Variants in DYNC2H1 observed in about 807,000 individuals in gnomAD.
DYNC2H1 encodes the protein dynein cytoplasmic 2 heavy chain 1, also known as cytoplasmic dynein 2 heavy chain 1.
Under a neutral mutation model 570.0 loss-of-function variants are expected in DYNC2H1, and 410 were observed. The ratio of observed to expected loss-of-function variants is 0.72; its 90% CI spans 0.66 to 0.78. DYNC2H1 has a LOEUF of 0.78. Among genes scored for constraint, DYNC2H1 ranks in the 30% least tolerant of loss-of-function variants. The pLI, the probability that DYNC2H1 is intolerant of heterozygous loss-of-function variation, is 0.00. For synonymous variants in DYNC2H1, 1,688 were observed against 1,677.6 expected (o/e 1.01, Z -0.15); for missense variants, 4,865 against 5,046.4 (o/e 0.96, Z 1.09).
At chr11:103,413,744 T>TATATGTACTTA (rs1250232274) in intron 84 of DYNC2H1, among the ~76,000 whole-genome samples, 2 of 152,216 alleles carry the variant, frequency 1.3e-5, no homozygotes, top group Non-Finnish European at 2.9e-5. Flanking sequence ...AACATTTTAT[T>TATATGTACTTA]ATATGTACTT....
At chr11:103,442,900 G>A (rs1944312987) in intron 85 of DYNC2H1, among the ~76,000 whole-genome samples, 1 of 151,092 alleles carries the variant, frequency 6.6e-6, no homozygotes, top group Non-Finnish European at 1.5e-5. Flanking sequence ...GTGATTGTTA[G>A]TAATATCTCC....
At chr11:103,384,048 C>T (rs1307744868) in intron 83 of DYNC2H1, among the ~76,000 whole-genome samples, 5 of 151,990 alleles carry the variant, frequency 3.3e-5, no homozygotes, top group African/African-American at 7.2e-5. Flanking sequence ...TTGGGATTTG[C>T]TTTATGGCCC....
intron 83 of DYNC2H1, among the ~76,000 whole-genome samples, chr11:103,367,825 A>G (rs952596015): frequency 4.6e-5 from 7 of 151,922 alleles, no homozygotes; most frequent in East Asian, 1.9e-4. Flanking sequence ...TATGTTACCA[A>G]CGTTTTTCCT....
At chr11:103,281,449 A>G (rs1314237120) in intron 71 of DYNC2H1, among the ~76,000 whole-genome samples, 1 of 152,040 alleles carries the variant, frequency 6.6e-6, no homozygotes, top group Non-Finnish European at 1.5e-5. Flanking sequence ...ATGTAGTAGT[A>G]ATCATTCATA....
At position 103,116,770 on chromosome 11, in the gene DYNC2H1, CT is replaced by C. The variant is rs557908417; in HGVS notation, c.766+61del. The C allele has an allele frequency of 2.2e-4, 324 of 1,496,206 alleles. 3 individuals are homozygous for C. In the African/African-American group the frequency reaches 4.1e-3, roughly 19 times the overall value. The allele number at this position is 1,496,206 out of a possible 1,614,324, so 92.7% of individuals were successfully genotyped here. On this transcript the variant is annotated intron_variant, in intron 5 of 88. Coordinates refer to ENST00000375735, the MANE Select transcript of DYNC2H1 (RefSeq NM_001377.3). ...TTGAAAACCTGTCTTATTTTGTTAT[CT>C]TTTTATCCTTTAAGTCCTTACTTAA...
At chr11:103,223,219 T>A in intron 59 of DYNC2H1, 133 bp downstream of exon 59, 2 of 830,084 alleles carry the variant, frequency 2.4e-6, no homozygotes, top group Non-Finnish European at 3.3e-6. Context: ...TATGAATGAG[T>A]CAATTAAAGA....
chr11:103,236,382 C>T, intron 62 of DYNC2H1, 48 bp from the exon 63 acceptor site: 1 of 1,100,982 alleles, frequency 9.1e-7, no homozygotes, highest in African/African-American at 1.5e-5. Context: ...TTCCCTTCAT[C>T]AAGTACAAGA....
intron 79 of DYNC2H1, among the ~76,000 whole-genome samples, chr11:103,314,911 A>C (rs913163546): frequency 6.6e-6 from 1 of 152,080 alleles, no homozygotes; most frequent in Non-Finnish European, 1.5e-5. Context: ...ACTTTTTCAC[A>C]TACGGTCTAA....
In DYNC2H1 at chr11:103,316,565, A is replaced by G. The variant is rs368459657; in HGVS notation, c.11670A>G (p.Glu3890=). The G allele has an allele frequency of 1.8e-4, 287 of 1,558,678 alleles. No individual in the cohort carries two copies. Among genetic ancestry groups the G allele is most frequent in the Non-Finnish European group, 1.8e-4 (208 of 1,152,886 alleles). ...YIPQGWTKFY[E]FSLSDLRAGY... ...GACAGGGTTGGACAAAGTTTTATGA[A>G]TTTTCTTTATCAGATCTTCGGGCTG... The change falls in exon 80 of 89, where the codon GAA becomes GAG. Residue 3890 remains glutamate, a synonymous_variant. Coordinates refer to ENST00000375735, the MANE Select transcript of DYNC2H1 (RefSeq NM_001377.3).
chr11:103,234,122 A>G lies in DYNC2H1; in HGVS notation c.9529A>G (p.Asn3177Asp). 1 of 1,579,466 alleles carries G rather than the reference A, an allele frequency of 6.3e-7. No homozygotes were observed. Among genetic ancestry groups the G allele is most frequent in the Non-Finnish European group, 8.6e-7 (1 of 1,161,332 alleles). ...AATCAAAGCTGCAGAAGTCTTAATT[A>G]ATCAGCTTGACAGAGAACATAAGAG... ...ETIKAAEVLINQLDREHKRWN... is the reference protein window; with the variant it reads ...ETIKAAEVLIDQLDREHKRWN... Residue 3177 changes from asparagine to aspartate, a missense_variant, in exon 61 of 89, where the codon AAT becomes GAT. Physicochemically the swap from Asn to Asp is conservative, Grantham distance 23. This residue lies in a region of DYNC2H1 where 2,401 missense variants were observed against 2,454.6 expected (regional missense o/e 0.98). Transcript: ENST00000375735.
Position 103,187,502 on chromosome 11 carries a change from A to G in DYNC2H1, c.7056A>G (p.Glu2352=). 5 of 1,613,434 alleles carry G rather than the reference A, an allele frequency of 3.1e-6. No individual in the cohort carries two copies. The highest frequency in any genetic ancestry group is 4.2e-6 in the Non-Finnish European group (5 of 1,179,514). ...TGRVYRPKDC[E]RLVLYLKDIN... ...GTGTATACAGACCAAAAGACTGTGA[A>G]AGACTTGTTCTGTACTTAAAAGATA... The change falls in exon 43 of 89, where the codon GAA becomes GAG. Residue 2352 remains glutamate (E), a synonymous_variant. Transcript: ENST00000375735.
intron 1 of DYNC2H1, among the ~76,000 whole-genome samples, chr11:103,110,416 T>G (rs58389589): frequency 0.018 from 2,807 of 152,186 alleles, 89 homozygotes; most frequent in African/African-American, 0.06. Context: ...GTTTTTTTTT[T>G]GGGGGGAAGG....
rs1861193547 is a variant in DYNC2H1 at position 103,163,826 on chromosome 11, A to T, written c.4611+679A>T. ...ATTGGGATGTTTCATGATTTCTTAC[A>T]GAAAAATCTACCCAGCAGCTCTCAA... On this transcript the variant is annotated intron_variant, in intron 30 of 88. Coordinates refer to ENST00000375735, the MANE Select transcript of DYNC2H1 (RefSeq NM_001377.3). This position sits in a 1 kb window ranked among gnomAD's most constrained non-coding sequence, Gnocchi z 4.6. 6.6e-6 allele frequency among the ~76,000 whole-genome samples: 1 copy of T among 152,216 alleles called. No individual in the cohort carries two copies. Among genetic ancestry groups the T allele is most frequent in the Non-Finnish European group, 1.5e-5 (1 of 68,042 alleles).
At chr11:103,358,578 G>T (rs988839413) in intron 83 of DYNC2H1, among the ~76,000 whole-genome samples, 1 of 152,068 alleles carries the variant, frequency 6.6e-6, no homozygotes, top group Non-Finnish European at 1.5e-5. Flanking sequence ...CTTTAAATAA[G>T]TAATCATATT....
chr11:103,296,955 G>T (rs535920572), intron 75 of DYNC2H1, among the ~76,000 whole-genome samples: 1 of 151,200 alleles, frequency 6.6e-6, no homozygotes, highest in East Asian at 1.9e-4. Flanking sequence ...TTCCTTTACT[G>T]GCTTCTTGTC....
intron 84 of DYNC2H1, among the ~76,000 whole-genome samples, chr11:103,417,205 A>G (rs922864708): frequency 1.2e-4 from 19 of 152,064 alleles, no homozygotes; most frequent in African/African-American, 4.1e-4. Context: ...TCAGCCTCCC[A>G]AGTAGCTGAG....
At chr11:103,159,093 T>C in intron 28 of DYNC2H1, 66 bp downstream of exon 28, 2 of 1,272,560 alleles carry the variant, frequency 1.6e-6, no homozygotes, top group Admixed American at 2.1e-5. Flanking sequence ...CCTAATATTA[T>C]GCTCTTAGGT....
At chr11:103,283,921 G>A (rs1039794112) in intron 73 of DYNC2H1, among the ~76,000 whole-genome samples, 2 of 151,890 alleles carry the variant, frequency 1.3e-5, no homozygotes, top group African/African-American at 4.8e-5. Flanking sequence ...CTACCAGTTG[G>A]CATAATGCTA....
chr11:103,191,071 G>A (rs867239699), intron 45 of DYNC2H1, among the ~76,000 whole-genome samples: 4 of 128,444 alleles, frequency 3.1e-5, no homozygotes, highest in Admixed American at 9.3e-5. Context: ...ATGGAGTCTC[G>A]CTTTGTCGCC....
Sources: allele counts gnomAD v4.1 joint callset (sites outside exome capture counted in the v4.1 genomes callset), GRCh38; gene constraint gnomAD v4.1.1; regional missense constraint gnomAD v4.1.1; non-coding constraint Gnocchi (gnomAD v3.1); transcripts MANE v1.5; gene names NCBI Gene and HGNC (gene_info 2026-07-23, HGNC 2026-07-21).